The following CACHD1 variants were observed in gnomAD, a reference collection of about 807,000 sequenced individuals.
CACHD1 encodes VWFA and cache domain-containing protein 1.
CACHD1 carries 71 observed loss-of-function variants against 138.7 expected under a neutral mutation model. That is an observed-to-expected ratio of 0.51 (90% CI 0.42 to 0.62). The LOEUF is 0.62. CACHD1 is among the 20% of genes least tolerant of loss of function. CACHD1 has a pLI of 0.00. For synonymous variants in CACHD1, 578 were observed against 591.5 expected, an observed-to-expected ratio of 0.98 and a Z score of 0.33; for missense variants, 1,389 against 1,625.3, an observed-to-expected ratio of 0.85 and a Z score of 2.50.
chr1:64,681,232 G>A (rs1029962008), intron 24 of CACHD1, 26 bp from the exon 25 acceptor site: 2 of 1,581,788 alleles, frequency 1.3e-6, no homozygotes, highest in African/African-American at 1.3e-5. Context: ...AAATAGTCAT[G>A]TTTCTCTCTT....
At chr1:64,598,167 T>G (rs1379901869) in intron 3 of CACHD1, among the ~76,000 whole-genome samples, 1 of 152,152 alleles carries the variant, frequency 6.6e-6, no homozygotes, top group South Asian at 2.1e-4. Flanking sequence ...AGATAAGCAC[T>G]CTTCACTTTT....
At chr1:64,507,082 T>C (rs1346821771) in intron 1 of CACHD1, among the ~76,000 whole-genome samples, 1 of 152,238 alleles carries the variant, frequency 6.6e-6, no homozygotes, top group Non-Finnish European at 1.5e-5. Context: ...AAAAAGGCCT[T>C]GGAAGTTCAT....
At chr1:64,635,576 G>A (rs1009951098) in intron 7 of CACHD1, among the ~76,000 whole-genome samples, 1 of 151,060 alleles carries the variant, frequency 6.6e-6, no homozygotes, top group Admixed American at 6.6e-5. Flanking sequence ...TAGAGATGGG[G>A]TTTCACCATG....
chr1:64,565,017 A>G (rs896779074), intron 2 of CACHD1, among the ~76,000 whole-genome samples: 1 of 150,672 alleles, frequency 6.6e-6, no homozygotes, highest in Non-Finnish European at 1.5e-5. Flanking sequence ...TGGCACCTCA[A>G]TATTCATATT....
intron 4 of CACHD1, among the ~76,000 whole-genome samples, chr1:64,613,231 T>G (rs1214940467): frequency 6.6e-6 from 1 of 152,198 alleles, no homozygotes. Flanking sequence ...TGAAAATAGT[T>G]TCTTGAGATG....
At chr1:64,562,034 A>G (rs7528675) in intron 2 of CACHD1, among the ~76,000 whole-genome samples, 123,696 of 152,044 alleles carry the variant, frequency 0.81, 52,335 homozygotes, top group South Asian at 0.94. Flanking sequence ...CCTGTATGCA[A>G]TGTTTTTTGT....
At chr1:64,471,162 C>T (rs547850674) in intron 1 of CACHD1, among the ~76,000 whole-genome samples, 2 of 152,318 alleles carry the variant, frequency 1.3e-5, no homozygotes, top group African/African-American at 4.8e-5. Context: ...TGGAGAATCC[C>T]CTGCCCTCTG....
chr1:64,526,887 C>T (rs940321789), intron 1 of CACHD1, among the ~76,000 whole-genome samples: 17 of 152,138 alleles, frequency 1.1e-4, no homozygotes, highest in African/African-American at 3.6e-4. Context: ...GCGATTCTTT[C>T]GCAAAACCAT....
At chr1:64,614,423 G>T (rs1647639792) in intron 4 of CACHD1, among the ~76,000 whole-genome samples, 1 of 152,022 alleles carries the variant, frequency 6.6e-6, no homozygotes, top group South Asian at 2.1e-4. Context: ...TAGACACCTG[G>T]ATGGACACCT....
intron 1 of CACHD1, among the ~76,000 whole-genome samples, chr1:64,474,809 C>A (rs12142480): frequency 0.099 from 15,017 of 152,286 alleles, 1,006 homozygotes; most frequent in Admixed American, 0.17. Flanking sequence ...AAGGGCCTGG[C>A]ACAAGGCCAG....
intron 2 of CACHD1, chr1:64,563,842 C>T (rs1646860818): frequency 6.6e-6 from 1 of 152,122 alleles, no homozygotes; most frequent in African/African-American, 2.4e-5. Flanking sequence ...TGATTTGTAA[C>T]AGGTATTTAG....
chr1:64,597,030 T>C (rs1647158509), intron 3 of CACHD1, among the ~76,000 whole-genome samples: 1 of 152,048 alleles, frequency 6.6e-6, no homozygotes, highest in Non-Finnish European at 1.5e-5. Flanking sequence ...TCACCTTCCC[T>C]AGGAAATTTA....
chr1:64,682,045 T>C lies in CACHD1; in HGVS notation c.3525T>C (p.His1175=), dbSNP rs145430454. Residue 1175 remains histidine (H), a synonymous_variant, in exon 26 of 27, where the codon CAT becomes CAC. Transcript: ENST00000651257. ...TRFIAAVIER[H]AHSPERRRRY... ...TTATAGCTGCGGTCATCGAACGACA[T>C]GCACACAGTCCAGAAAGAAGGCGCC... 1.8e-4 allele frequency: 289 copies of C among 1,613,964 alleles called. No homozygotes were observed. The highest frequency in any genetic ancestry group is 2.2e-4 in the Non-Finnish European group (257 of 1,180,004).
At chr1:64,574,193 G>A (rs1282299918) in intron 2 of CACHD1, among the ~76,000 whole-genome samples, 1 of 152,154 alleles carries the variant, frequency 6.6e-6, no homozygotes, top group Non-Finnish European at 1.5e-5. Context: ...AGAAGAAAAG[G>A]TCTTTTTGTT....
At chr1:64,668,255 A>T (rs1485201079) in intron 16 of CACHD1, among the ~76,000 whole-genome samples, 1 of 150,890 alleles carries the variant, frequency 6.6e-6, no homozygotes, top group Non-Finnish European at 1.5e-5. Flanking sequence ...TGAACCCGGG[A>T]GGCGAAGGTT....
At position 64,691,440 on chromosome 1, in the gene CACHD1, C is replaced by G. The variant is rs764193552; in HGVS notation, c.3704C>G (p.Pro1235Arg). The G allele has an allele frequency of 6.2e-6, 10 of 1,614,018 alleles. No individual in the cohort carries two copies. Among genetic ancestry groups the G allele is most frequent in the East Asian group, 4.5e-5 (2 of 44,886 alleles). The change falls in exon 27 of 27, where the codon CCT becomes CGT. Residue 1235 changes from proline to arginine, a missense_variant. By Grantham distance (103) the Pro-to-Arg change is moderately radical. Transcript: ENST00000651257. ...GAGGACTTAGACCTGGATACCCCCC[C>G]TCAGACTGCTGCCCTACTAAGTCAC... is the stretch of plus-strand genomic sequence containing the variant. ...HDEDLDLDTP[P>R]QTAALLSHKF...
intron 13 of CACHD1, 36 bp from the exon 14 acceptor site, chr1:64,663,659 G>A (rs201964375): frequency 3.5e-5 from 57 of 1,612,802 alleles, no homozygotes; most frequent in Middle Eastern, 1.7e-4. Context: ...TAGAGTCTCC[G>A]CATTCTCAGG....
chr1:64,603,807 C>T (rs1046182660), intron 4 of CACHD1, among the ~76,000 whole-genome samples: 5 of 152,180 alleles, frequency 3.3e-5, no homozygotes, highest in Non-Finnish European at 5.9e-5. Context: ...GAGTTCCACT[C>T]CATATTTCTC....
chr1:64,674,910 A>G (rs1255777439), intron 19 of CACHD1, among the ~76,000 whole-genome samples: 1 of 152,240 alleles, frequency 6.6e-6, no homozygotes, highest in African/African-American at 2.4e-5. Flanking sequence ...TTCTAGAAGC[A>G]GAAATTTGCC....
Sources: gnomAD v4.1 joint callset for allele counts (sites outside exome capture counted in the v4.1 genomes callset) on GRCh38, gnomAD v4.1.1 for gene constraint, MANE v1.5 for transcripts, NCBI Gene and HGNC (gene_info 2026-07-23, HGNC 2026-07-21) for gene names.